Variants in PRKN observed in about 807,000 individuals in gnomAD.
The protein encoded by PRKN is E3 ubiquitin-protein ligase parkin.
PRKN carries 56 observed loss-of-function variants against 59.5 expected under a neutral mutation model. The ratio of observed to expected loss-of-function variants is 0.94; its 90% CI spans 0.76 to 1.18. PRKN has a LOEUF of 1.18. Among genes scored for constraint, PRKN ranks in the 50% most tolerant of loss-of-function variants. The pLI is 0.00. For synonymous variants in PRKN, 250 were observed against 222.1 expected (o/e 1.13, Z -1.12); for missense variants, 657 against 596.4 (o/e 1.10, Z -1.06).
At chr6:162,338,996 T>G (rs1322310071) in intron 2 of PRKN, among the ~76,000 whole-genome samples, 2 of 143,636 alleles carry the variant, frequency 1.4e-5, no homozygotes, top group Non-Finnish European at 3.0e-5. Context: ...GTCTGAGAAG[T>G]GAGGAGACCC....
intron 7 of PRKN, among the ~76,000 whole-genome samples, chr6:161,705,852 AC>A (rs1786466645): frequency 6.6e-6 from 1 of 152,114 alleles, no homozygotes; most frequent in Non-Finnish European, 1.5e-5. Context: ...ATGTTGTTGT[AC>A]CTTCTTAGCT....
At chr6:162,401,844 T>C (rs1787808728) in intron 2 of PRKN, among the ~76,000 whole-genome samples, 1 of 152,024 alleles carries the variant, frequency 6.6e-6, no homozygotes, top group South Asian at 2.1e-4. Flanking sequence ...CAAAATTGAG[T>C]CAAGACAGGA....
chr6:161,432,235 T>A (rs1328950683), intron 9 of PRKN, among the ~76,000 whole-genome samples: 2 of 152,086 alleles, frequency 1.3e-5, no homozygotes, highest in African/African-American at 4.8e-5. Flanking sequence ...GTCATTCTGA[T>A]CCTGACTGTT....
At chr6:162,396,251 G>A (rs1380531177) in intron 2 of PRKN, among the ~76,000 whole-genome samples, 16 of 152,168 alleles carry the variant, frequency 1.1e-4, no homozygotes, top group Admixed American at 1.0e-3. Context: ...TCTCTGAAAT[G>A]AGAAGTGGAT....
At chr6:162,311,500 T>G (rs1481150622) in intron 2 of PRKN, among the ~76,000 whole-genome samples, 6 of 148,138 alleles carry the variant, frequency 4.1e-5, no homozygotes, top group Non-Finnish European at 8.9e-5. Flanking sequence ...TTTTTTTTTT[T>G]GAGACAGAGT....
chr6:162,018,597 C>T (rs1783017462), intron 5 of PRKN, among the ~76,000 whole-genome samples: 1 of 152,148 alleles, frequency 6.6e-6, no homozygotes, highest in South Asian at 2.1e-4. Flanking sequence ...TTTAAAACAG[C>T]AACAGGAATG....
rs116982206 is a variant in PRKN at position 161,473,961 on chromosome 6, T to G, written c.1083+74893A>C. On this transcript the variant is annotated intron_variant, in intron 9 of 11. Coordinates refer to ENST00000366898, the MANE Select transcript of PRKN (RefSeq NM_004562.3). This position sits in a 1 kb window ranked among gnomAD's most constrained non-coding sequence, Gnocchi z 4.1. ...ACTAGCGGGTTTTCTAATATCAAAT[T>G]TTATGCTTGTGGAAATCTATCCACC... Among the ~76,000 whole-genome samples the G allele has an allele frequency of 9.7e-3, 1,476 of 152,204 alleles. 20 individuals are homozygous for G. Among genetic ancestry groups the G allele is most frequent in the Middle Eastern group, 0.024 (7 of 294 alleles).
rs764210951 is a variant in PRKN, at chr6:161,698,036, C to T, written c.871+87736G>A. ...ACACTTTAGTAAAGAAACATGCTTA[C>T]TTATAAAACATACAACATGGGTCAA... On this transcript the variant is annotated intron_variant, in intron 7 of 11. Coordinates refer to ENST00000366898, the MANE Select transcript of PRKN (RefSeq NM_004562.3). Among the ~76,000 whole-genome samples the T allele has an allele frequency of 6.6e-4, 100 of 152,072 alleles. 1 individual carries two copies. Among genetic ancestry groups the T allele is most frequent in the Non-Finnish European group, 2.1e-4 (14 of 67,980 alleles).
chr6:162,456,707 C>A (rs1212065889), intron 1 of PRKN, among the ~76,000 whole-genome samples: 3 of 152,170 alleles, frequency 2.0e-5, no homozygotes, highest in Non-Finnish European at 4.4e-5. Flanking sequence ...CTGGTTACAA[C>A]ATTTTCATCC....
chr6:161,381,169 A>G (rs1257153282), intron 10 of PRKN, among the ~76,000 whole-genome samples: 1 of 152,206 alleles, frequency 6.6e-6, no homozygotes, highest in Non-Finnish European at 1.5e-5. Context: ...TGCTGTTGGC[A>G]TTTGAGTTGG....
chr6:162,376,433 T>C (rs1402404129), intron 2 of PRKN, among the ~76,000 whole-genome samples: 9 of 151,916 alleles, frequency 5.9e-5, no homozygotes, highest in African/African-American at 2.2e-4. Context: ...CTCACATTCA[T>C]GTTTCCCCGC....
intron 3 of PRKN, among the ~76,000 whole-genome samples, chr6:162,257,519 T>C (rs1218579211): frequency 6.6e-6 from 1 of 152,142 alleles, no homozygotes; most frequent in African/African-American, 2.4e-5. Flanking sequence ...CTGGATATTT[T>C]ACATAAGCTC....
At chr6:162,011,881 T>C (rs1156581278) in intron 5 of PRKN, among the ~76,000 whole-genome samples, 1 of 120,360 alleles carries the variant, frequency 8.3e-6, no homozygotes, top group Non-Finnish European at 1.7e-5. Context: ...ACTAGGAAAA[T>C]TGTACTATAA....
intron 7 of PRKN, among the ~76,000 whole-genome samples, chr6:161,590,845 CCA>C (rs1781695043): frequency 6.6e-6 from 1 of 152,026 alleles, no homozygotes; most frequent in Non-Finnish European, 1.5e-5. Flanking sequence ...ATAAAAAATT[CCA>C]CAGTCATAAT....
At chr6:161,676,608 C>T (rs185978765) in intron 7 of PRKN, among the ~76,000 whole-genome samples, 10 of 152,280 alleles carry the variant, frequency 6.6e-5, no homozygotes, top group African/African-American at 2.4e-4. Context: ...GCTGCGACAG[C>T]GTGGTTGAGT....
At chr6:162,248,136 G>C (rs1014237086) in intron 3 of PRKN, among the ~76,000 whole-genome samples, 1 of 152,152 alleles carries the variant, frequency 6.6e-6, no homozygotes, top group Non-Finnish European at 1.5e-5. Context: ...AAGAGCTATG[G>C]AATGAGCTGT....
Position 162,006,668 on chromosome 6 carries a change from G to A in PRKN, c.619-33251C>T, listed in dbSNP as rs573456846. Among the ~76,000 whole-genome samples the A allele has an allele frequency of 9.9e-5, 15 of 152,242 alleles. No homozygotes were observed. In the South Asian group the frequency reaches 1.9e-3, roughly 19 times the overall value. On this transcript the variant is annotated intron_variant, in intron 5 of 11. Coordinates refer to ENST00000366898, the MANE Select transcript of PRKN (RefSeq NM_004562.3). ...CCTTGCACTAGCTGTCTCATTAGCC[G>A]AGAGAGCTCTGCCCCCTGGTCCTTT...
At chr6:161,996,555 T>C (rs1343646445) in intron 5 of PRKN, among the ~76,000 whole-genome samples, 1 of 152,164 alleles carries the variant, frequency 6.6e-6, no homozygotes, top group Non-Finnish European at 1.5e-5. Flanking sequence ...TTTTCCCCAA[T>C]TTTTAGCTCC....
chr6:161,868,891 C>T (rs1794228939), intron 6 of PRKN, among the ~76,000 whole-genome samples: 1 of 152,152 alleles, frequency 6.6e-6, no homozygotes, highest in South Asian at 2.1e-4. Flanking sequence ...CTGATTTAGA[C>T]TTCAATGGCT....
Sources: gnomAD v4.1 joint callset for allele counts (sites outside exome capture counted in the v4.1 genomes callset) on GRCh38, gnomAD v4.1.1 for gene constraint, Gnocchi (gnomAD v3.1) non-coding constraint, MANE v1.5 for transcripts, NCBI Gene and HGNC (gene_info 2026-07-23, HGNC 2026-07-21) for gene names.